The following CLSPN variants were observed in gnomAD, a reference collection of about 807,000 sequenced individuals.
CLSPN encodes the protein claspin.
Under a neutral mutation model 156.3 loss-of-function variants are expected in CLSPN, and 85 were observed. The ratio of observed to expected loss-of-function variants is 0.54; its 90% CI spans 0.46 to 0.65. CLSPN has a LOEUF of 0.65. Ranked by LOEUF, CLSPN falls within the 30% of genes least tolerant of loss-of-function variation. The pLI is 0.00. For synonymous variants in CLSPN, 534 were observed against 542.4 expected (o/e 0.98, Z 0.22); for missense variants, 1,407 against 1,554.9 (o/e 0.90, Z 1.60).
At chr1:35,729,055 C>G (rs1641258147), downstream of CLSPN, among the ~76,000 whole-genome samples, 1 of 151,952 alleles carries the variant, frequency 6.6e-6, no homozygotes. Context: ...CTAGGTCCAT[C>G]TGGTTTTCCA....
rs1369491030 is a variant in CLSPN, at chr1:35,766,139, C to T, written c.25-813G>A. ...CCTCCTGAGTAGCTGGGATTACAGGCGCACATCAACACACCCAGCTAATTT... is the reference window on the plus strand; with the variant it reads ...CCTCCTGAGTAGCTGGGATTACAGGTGCACATCAACACACCCAGCTAATTT... On this transcript the variant is annotated intron_variant, in intron 1 of 24. Transcript: ENST00000318121. Among the ~76,000 whole-genome samples the T allele has an allele frequency of 2.6e-5, 4 of 150,972 alleles. No individual in the cohort carries two copies. In the East Asian group the frequency reaches 7.8e-4, roughly 30 times the overall value.
Position 35,753,745 on chromosome 1 carries a change from C to T in CLSPN, c.1771G>A (p.Gly591Ser). 1 of 1,613,950 alleles carries T rather than the reference C, an allele frequency of 6.2e-7. No homozygotes were observed. Among genetic ancestry groups the T allele is most frequent in the Non-Finnish European group, 8.5e-7 (1 of 1,179,968 alleles). Residue 591 changes from glycine to serine, a missense_variant and splice_region_variant, in exon 9 of 25, where the codon GGT (glycine) becomes AGT (serine). Gly to Ser is a moderately conservative substitution (Grantham distance 56). Coordinates refer to ENST00000318121, the MANE Select transcript of CLSPN (RefSeq NM_022111.4). ...AAACAAAACCTGTGGGCTCAAATAC[C>T]TGGTTTTGTGTGGCTTGCTCCATCC... is the stretch of plus-strand genomic sequence containing the variant. ...KLDGASHTKP[G>S]EKLQVLKAKL...
chr1:35,760,733 A>G lies in CLSPN; in HGVS notation c.1188T>C (p.Ser396=). The G allele has an allele frequency of 6.2e-7, 1 of 1,614,084 alleles. No individual in the cohort carries two copies. ...ETQIITGSDE[S]CRKDLVKNEE... is the part of the protein sequence containing the mutation. ...CATTTTTTACCAAATCCTTCCTGCA[A>G]GACTCATCTGATCCAGTAATGATCT... Residue 396 remains serine, a synonymous_variant, in exon 8 of 25, where the codon TCT becomes TCC. Transcript: ENST00000318121.
rs577341619 is a variant in CLSPN at position 35,745,974 on chromosome 1, C to G, written c.2855-412G>C. Among the ~76,000 whole-genome samples the G allele has an allele frequency of 9.9e-5, 15 of 150,852 alleles. No individual in the cohort carries two copies. The South Asian group carries it at 2.9e-3, about 29-fold the overall frequency. On this transcript the variant is annotated intron_variant, in intron 15 of 24. Coordinates refer to ENST00000318121, the MANE Select transcript of CLSPN (RefSeq NM_022111.4). ...TTCAAGACTTTTTTTTTGAGACAGTCTCTCTCTGTTGCCCAGGCTGGAGTG... is the reference window on the plus strand; with the variant it reads ...TTCAAGACTTTTTTTTTGAGACAGTGTCTCTCTGTTGCCCAGGCTGGAGTG...
At chr1:35,753,333 C>T (rs1231931332) in intron 9 of CLSPN, among the ~76,000 whole-genome samples, 1 of 152,112 alleles carries the variant, frequency 6.6e-6, no homozygotes, top group Non-Finnish European at 1.5e-5. Context: ...TCAACAGATC[C>T]TCCTGCCTTG....
At position 35,732,152 on chromosome 1, in the gene CLSPN, CACT is replaced by C. The variant is rs1641332112; in HGVS notation, c.*4341_*4343del. 10 of 984,974 alleles carry C rather than the reference CACT, an allele frequency of 1.0e-5. No individual in the cohort carries two copies. The highest frequency in any genetic ancestry group is 1.2e-5 in the Non-Finnish European group (10 of 829,630). 61.0% of individuals were successfully genotyped at this position (984,974 alleles called of 1,614,324 possible). A position where few individuals can be genotyped will look rare whatever the true frequency, so the allele number is the denominator to read the frequency against. On this transcript the variant is annotated 3_prime_UTR_variant, in exon 25 of 25. Transcript: ENST00000318121. ...TATTTATTCAAACTGTGGTAGGCACCACTACATTCCAAGCTGTGTGCCAGGCGA... is the reference window on the plus strand; with the variant it reads ...TATTTATTCAAACTGTGGTAGGCACCACATTCCAAGCTGTGTGCCAGGCGA...
chr1:35,751,639 A>G (rs2148620445), intron 9 of CLSPN, 133 bp from the exon 10 acceptor site: 1 of 1,143,248 alleles, frequency 8.7e-7, no homozygotes, highest in Non-Finnish European at 1.2e-6. Context: ...CTTTTTTGTT[A>G]TTTGAACACA....
intron 9 of CLSPN, among the ~76,000 whole-genome samples, chr1:35,751,903 T>TA (rs1642100124): frequency 6.6e-6 from 1 of 152,198 alleles, no homozygotes; most frequent in African/African-American, 2.4e-5. Flanking sequence ...ATATTGTTAA[T>TA]AAATTAAAAG....
intron 22 of CLSPN, 132 bp downstream of exon 22, chr1:35,737,860 A>G (rs955941146): frequency 6.2e-6 from 3 of 480,218 alleles, no homozygotes; most frequent in African/African-American, 5.9e-5. Flanking sequence ...CACCTCTGTG[A>G]AGCCTCTTTA....
chr1:35,761,608 C>T (rs766608856), intron 6 of CLSPN, among the ~76,000 whole-genome samples: 1 of 152,234 alleles, frequency 6.6e-6, no homozygotes, highest in Middle Eastern at 3.4e-3. Flanking sequence ...GGGCTACTAA[C>T]GGACTAACAG....
intron 24 of CLSPN, among the ~76,000 whole-genome samples, chr1:35,726,866 T>C (rs1641203155): frequency 6.6e-6 from 1 of 152,158 alleles, no homozygotes; most frequent in African/African-American, 2.4e-5. Context: ...AACTAAGGCC[T>C]GGACAGTTTA....
intron 12 of CLSPN, among the ~76,000 whole-genome samples, chr1:35,749,196 G>A (rs568255766): frequency 8.6e-5 from 13 of 152,042 alleles, no homozygotes; most frequent in Admixed American, 3.3e-4. Context: ...TCAATTATAC[G>A]TCTTCCTTTG....
rs1461222758 is a variant in CLSPN, at chr1:35,769,926, C to T, written c.-56G>A. ...ACGGAGCTGTCTCTGATTCCCTCAG[C>T]CGGAGAGCAGCGGCTCCCGCCGTCT... On this transcript the variant is annotated 5_prime_UTR_variant, in exon 1 of 25. Coordinates refer to ENST00000318121, the MANE Select transcript of CLSPN (RefSeq NM_022111.4). The T allele has an allele frequency of 1.3e-6, 2 of 1,596,040 alleles. No individual in the cohort carries two copies. The highest frequency in any genetic ancestry group is 1.7e-6 in the Non-Finnish European group (2 of 1,170,206).
At chr1:35,744,885 C>T (rs184678063) in intron 16 of CLSPN, among the ~76,000 whole-genome samples, 417 of 152,232 alleles carry the variant, frequency 2.7e-3, no homozygotes, top group Admixed American at 7.1e-3. Flanking sequence ...ATGATCTCGG[C>T]TCACTACAAC....
rs1400291593 is a variant in CLSPN, at chr1:35,743,546, A to G, written c.2967-16T>C. On this transcript the variant is annotated splice_polypyrimidine_tract_variant and intron_variant, in intron 16 of 24. Coordinates refer to ENST00000318121, the MANE Select transcript of CLSPN (RefSeq NM_022111.4). ...TTCCTCTTCCCTAAAATGTAAATCAATGAATCAATAAATAAGTTGTTGAAA... is the reference window on the plus strand; with the variant it reads ...TTCCTCTTCCCTAAAATGTAAATCAGTGAATCAATAAATAAGTTGTTGAAA... 2.5e-6 allele frequency: 4 copies of G among 1,600,050 alleles called. No homozygotes were observed. In the African/African-American group the frequency reaches 4.0e-5, roughly 16 times the overall value.
In CLSPN at chr1:35,765,992, C is replaced by CT. The variant is rs1324335666; in HGVS notation, c.25-667dup. Among the ~76,000 whole-genome samples, 33 of 41,530 alleles carry CT rather than the reference C, an allele frequency of 7.9e-4. No individual in the cohort carries two copies. The East Asian group carries it at 0.025, about 31-fold the overall frequency. The allele number at this position is 41,530 out of a possible 152,430, so 27.2% of individuals were successfully genotyped here. ...CTGGGTGGTTTCTTTCTCTCTCTCT[C>CT]TCTTTTTTTTTTTTTTTTTTGAGAT... On this transcript the variant is annotated intron_variant, in intron 1 of 24. Transcript: ENST00000318121.
In CLSPN at chr1:35,747,904, T is replaced by C. The variant is rs1641945864; in HGVS notation, c.2627+3A>G. On this transcript the variant is annotated splice_donor_region_variant and intron_variant, in intron 14 of 24. Transcript: ENST00000318121. ...CCGCCCACAGAAACACAAAACTACC[T>C]ACCCATCTGCATCCAACAGTTGGCT... The C allele has an allele frequency of 1.2e-6, 2 of 1,611,228 alleles. No individual in the cohort carries two copies. The highest frequency in any genetic ancestry group is 1.7e-6 in the Non-Finnish European group (2 of 1,179,220).
chr1:35,752,139 A>G (rs997981259), intron 9 of CLSPN, among the ~76,000 whole-genome samples: 2 of 152,198 alleles, frequency 1.3e-5, no homozygotes, highest in African/African-American at 4.8e-5. Context: ...AGGAATTTTC[A>G]TCTAATATAC....
intron 17 of CLSPN, 24 bp downstream of exon 17, chr1:35,743,431 T>C (rs1641764516): frequency 8.8e-6 from 14 of 1,591,064 alleles, no homozygotes; most frequent in Non-Finnish European, 1.2e-5. Flanking sequence ...TCAGTTATGA[T>C]TACTTTGTTC....
Sources: allele counts gnomAD v4.1 joint callset (sites outside exome capture counted in the v4.1 genomes callset), GRCh38; gene constraint gnomAD v4.1.1; transcripts MANE v1.5; gene names NCBI Gene and HGNC (gene_info 2026-07-23, HGNC 2026-07-21).